Variants in BRINP2 observed in about 807,000 individuals in gnomAD.
BRINP2 encodes BMP/retinoic acid-inducible neural-specific protein 2.
BRINP2 carries 21 observed loss-of-function variants against 69.2 expected under a neutral mutation model. The ratio of observed to expected loss-of-function variants is 0.30; its 90% CI spans 0.22 to 0.44. The LOEUF is 0.44. Among genes scored for constraint, BRINP2 ranks in the 20% least tolerant of loss-of-function variants. The pLI, the probability that BRINP2 is intolerant of heterozygous loss-of-function variation, is 1.00. For synonymous variants in BRINP2, 380 were observed against 394.1 expected (o/e 0.96, Z 0.42); for missense variants, 877 against 986.0 (o/e 0.89, Z 1.48).
chr1:177,232,515 A>T (rs930916262), intron 2 of BRINP2, among the ~76,000 whole-genome samples: 4 of 152,166 alleles, frequency 2.6e-5, no homozygotes, highest in African/African-American at 9.7e-5. Context: ...CAGAGAGAGG[A>T]TAGTCACACA....
intron 1 of BRINP2, among the ~76,000 whole-genome samples, chr1:177,173,557 G>C (rs1048485229): frequency 1.3e-5 from 2 of 152,168 alleles, no homozygotes. Context: ...AAAGGGCTGG[G>C]GAAGGAGGAA....
intron 1 of BRINP2, among the ~76,000 whole-genome samples, chr1:177,209,855 C>T (rs1263828654): frequency 1.3e-5 from 2 of 152,058 alleles, no homozygotes; most frequent in African/African-American, 4.8e-5. Flanking sequence ...AAAAATAATT[C>T]ATCGCTTTAT....
intron 1 of BRINP2, among the ~76,000 whole-genome samples, chr1:177,176,874 A>G (rs897335757): frequency 3.9e-5 from 6 of 152,116 alleles, no homozygotes; most frequent in Non-Finnish European, 8.8e-5. Flanking sequence ...TGGTAATTTT[A>G]TCCTAATATT....
chr1:177,262,865 C>T (rs1352830547), intron 4 of BRINP2, among the ~76,000 whole-genome samples: 3 of 152,166 alleles, frequency 2.0e-5, no homozygotes, highest in Non-Finnish European at 4.4e-5. Context: ...CAGTAGATTT[C>T]TGGGTAGCAC....
intron 4 of BRINP2, among the ~76,000 whole-genome samples, chr1:177,263,672 A>G (rs1366161517): frequency 1.3e-5 from 2 of 152,200 alleles, no homozygotes; most frequent in Non-Finnish European, 2.9e-5. Context: ...AGTTAACTGA[A>G]GAGAAGAGGT....
intron 1 of BRINP2, among the ~76,000 whole-genome samples, chr1:177,212,321 G>A (rs756022111): frequency 1.2e-4 from 19 of 152,206 alleles, no homozygotes; most frequent in Middle Eastern, 6.8e-3. Context: ...TGAGGTGGGC[G>A]GATCACAAGG....
chr1:177,280,447 T>A lies in BRINP2; in HGVS notation c.1271T>A (p.Leu424His), dbSNP rs1651653866. 6.2e-7 allele frequency: 1 copy of A among 1,613,446 alleles called. No homozygotes were observed. The highest frequency in any genetic ancestry group is 1.7e-5 in the Admixed American group (1 of 59,982). ...TACTGGTGGAACCGAATCCAGTCCC[T>A]CCTCTACTGTGGGGAAAGCACCTTT... The part of the protein sequence containing the change: ...LSYWWNRIQS[L>H]LYCGESTFPG... The change falls in exon 8 of 8, where the codon CTC (leucine) becomes CAC (histidine). Residue 424 changes from leucine to histidine, a missense_variant. By Grantham distance (99) the Leu-to-His change is moderately conservative (BLOSUM62 -3). Around this residue, in one of 3 missense-constraint regions of BRINP2, gnomAD observed 566 missense variants for 625.2 expected, o/e 0.91. Coordinates refer to ENST00000361539, the MANE Select transcript of BRINP2 (RefSeq NM_021165.4).
chr1:177,273,269 T>C (rs1167463821), intron 4 of BRINP2, among the ~76,000 whole-genome samples: 1 of 152,194 alleles, frequency 6.6e-6, no homozygotes, highest in African/African-American at 2.4e-5. Flanking sequence ...CTCTTACTTA[T>C]ATATAACTGC....
In BRINP2 at chr1:177,276,402, G is replaced by T; in HGVS notation, c.980G>T (p.Trp327Leu). The T allele has an allele frequency of 6.2e-7, 1 of 1,614,126 alleles. No homozygotes were observed. Among genetic ancestry groups the T allele is most frequent in the South Asian group, 1.1e-5 (1 of 91,084 alleles). Residue 327 changes from tryptophan (W) to leucine (L), a missense_variant, in exon 6 of 8, where the codon TGG becomes TTG. Trp to Leu is a moderately conservative substitution (Grantham distance 61). This residue lies in a region of BRINP2 where 566 missense variants were observed against 625.2 expected (regional missense o/e 0.91). Coordinates refer to ENST00000361539, the MANE Select transcript of BRINP2 (RefSeq NM_021165.4). Reference protein sequence around the residue: ...EDSLLQIQDSWATHNRQFEES... With the variant: ...EDSLLQIQDSLATHNRQFEES... ...AGCCTGCTGCAGATCCAGGACTCCT[G>T]GGCCACTCACAACCGGCAGTTTGAA...
chr1:177,246,757 C>T (rs370166300), intron 2 of BRINP2, among the ~76,000 whole-genome samples: 3 of 152,192 alleles, frequency 2.0e-5, no homozygotes, highest in South Asian at 2.1e-4. Context: ...GAAAGCACTA[C>T]GCCAATATAT....
At chr1:177,221,427 G>T (rs537701136) in intron 1 of BRINP2, among the ~76,000 whole-genome samples, 1 of 152,244 alleles carries the variant, frequency 6.6e-6, no homozygotes, top group Non-Finnish European at 1.5e-5. Flanking sequence ...AGAGACCCAA[G>T]TTCAAGTCCT....
chr1:177,262,146 G>A (rs1035162779), intron 4 of BRINP2, among the ~76,000 whole-genome samples: 6 of 152,210 alleles, frequency 3.9e-5, no homozygotes, highest in African/African-American at 7.2e-5. Flanking sequence ...ACTGGGGAGC[G>A]ATGTGGGGTC....
chr1:177,256,390 G>T (rs1279142001), intron 3 of BRINP2: 2 of 985,278 alleles, frequency 2.0e-6, no homozygotes, highest in Non-Finnish European at 2.4e-6. Flanking sequence ...CCCAGTTTTC[G>T]CTCCGCTGAG....
intron 2 of BRINP2, among the ~76,000 whole-genome samples, chr1:177,240,577 G>C (rs148809662): frequency 6.6e-6 from 1 of 152,280 alleles, no homozygotes; most frequent in Admixed American, 6.5e-5. Context: ...ATGTTGGCCT[G>C]GTTCATTGAG....
intron 1 of BRINP2, among the ~76,000 whole-genome samples, chr1:177,189,697 A>G (rs1281222051): frequency 1.3e-5 from 2 of 152,176 alleles, no homozygotes; most frequent in Admixed American, 1.3e-4. Flanking sequence ...TACTTTAAAC[A>G]GAGGCCTCCA....
chr1:177,240,403 A>G (rs1342803025), intron 2 of BRINP2, among the ~76,000 whole-genome samples: 1 of 152,226 alleles, frequency 6.6e-6, no homozygotes, highest in Non-Finnish European at 1.5e-5. Context: ...TACATGCTGC[A>G]TACATGGATT....
At chr1:177,276,884 A>T (rs1269887103) in intron 6 of BRINP2, among the ~76,000 whole-genome samples, 1 of 152,142 alleles carries the variant, frequency 6.6e-6, no homozygotes, top group Non-Finnish European at 1.5e-5. Context: ...ACCTAGATTC[A>T]AGAGAACTGG....
chr1:177,270,820 G>T (rs1294479487), intron 4 of BRINP2, among the ~76,000 whole-genome samples: 2 of 152,240 alleles, frequency 1.3e-5, no homozygotes, highest in East Asian at 1.9e-4. Context: ...CCCTAGAGGG[G>T]CAAACTTCCC....
chr1:177,254,379 C>T, intron 2 of BRINP2, among the ~76,000 whole-genome samples: 1 of 62,072 alleles, frequency 1.6e-5, no homozygotes. Context: ...AGCACACATG[C>T]ACACACACAC....
Sources: allele counts gnomAD v4.1 joint callset (sites outside exome capture counted in the v4.1 genomes callset), GRCh38; gene constraint gnomAD v4.1.1; regional missense constraint gnomAD v4.1.1; transcripts MANE v1.5; gene names NCBI Gene and HGNC (gene_info 2026-07-23, HGNC 2026-07-21).